HEXB: variants seen among roughly 807,000 people sequenced by gnomAD.
HEXB encodes hexosaminidase subunit beta.
HEXB carries 51 observed loss-of-function variants against 71.2 expected under a neutral mutation model. The ratio of observed to expected loss-of-function variants is 0.72; its 90% CI spans 0.57 to 0.90. HEXB has a LOEUF of 0.90. HEXB is among the 40% of genes least tolerant of loss of function. The pLI, the probability that HEXB is intolerant of heterozygous loss-of-function variation, is 0.00. For synonymous variants in HEXB, 266 were observed against 249.3 expected (o/e 1.07, Z -0.63); for missense variants, 617 against 677.0 (o/e 0.91, Z 0.98).
chr5:74,713,460 A>G, intron 6 of HEXB, 46 bp from the exon 7 acceptor site: 2 of 1,594,114 alleles, frequency 1.3e-6, no homozygotes, highest in Non-Finnish European at 1.7e-6. Flanking sequence ...TTCCAGGATC[A>G]AATCTACGTT....
At chr5:74,657,306 A>C (rs1249622537) in intron 1 of HEXB, among the ~76,000 whole-genome samples, 1 of 152,062 alleles carries the variant, frequency 6.6e-6, no homozygotes, top group Non-Finnish European at 1.5e-5. Flanking sequence ...ACCACTCTCC[A>C]GCCTCAGGAC....
At chr5:74,649,387 G>A (rs1748062624) in intron 1 of HEXB, among the ~76,000 whole-genome samples, 1 of 152,216 alleles carries the variant, frequency 6.6e-6, no homozygotes, top group African/African-American at 2.4e-5. Context: ...TAGTAACAAT[G>A]ACTAGAATCC....
rs1466605073 is a variant in HEXB at position 74,721,166 on chromosome 5, G to A, written c.1662G>A (p.Glu554=). The change falls in exon 14 of 14, where the codon GAG becomes GAA. Residue 554 remains glutamate (E), a synonymous_variant. Transcript: ENST00000261416. The part of the protein sequence containing the change: ...QPLYAGYCNH[E]NM ...TTTATGCTGGATATTGTAACCATGA[G>A]AACATGTAAAAAATGGAGGGGAAAA... 1 of 1,612,908 alleles carries A rather than the reference G, an allele frequency of 6.2e-7. No homozygotes were observed. The highest frequency in any genetic ancestry group is 1.1e-5 in the South Asian group (1 of 91,050).
At chr5:74,687,184 A>G (rs1420746316) in intron 1 of HEXB, among the ~76,000 whole-genome samples, 11 of 152,232 alleles carry the variant, frequency 7.2e-5, no homozygotes, top group Non-Finnish European at 1.6e-4. Context: ...CCTTATGGCT[A>G]AGACTTGAAG....
chr5:74,683,043 G>A (rs1368350937), upstream of HEXB, among the ~76,000 whole-genome samples: 1 of 152,136 alleles, frequency 6.6e-6, no homozygotes, highest in Non-Finnish European at 1.5e-5. Flanking sequence ...AAAAGGATAT[G>A]ATCAACCTAA....
At chr5:74,663,840 T>C (rs1008469949) in intron 1 of HEXB, among the ~76,000 whole-genome samples, 5 of 152,140 alleles carry the variant, frequency 3.3e-5, no homozygotes, top group Non-Finnish European at 5.9e-5. Context: ...AAATGGAATA[T>C]TGGGGCCAGG....
At chr5:74,718,693 A>T in intron 10 of HEXB, 104 bp from the exon 11 acceptor site, 1 of 1,166,782 alleles carries the variant, frequency 8.6e-7, no homozygotes, top group Non-Finnish European at 1.3e-6. Context: ...GATTTTTTTT[A>T]AGGATCTTAG....
chr5:74,701,369 TGTATC>T (rs1749257212), intron 5 of HEXB, among the ~76,000 whole-genome samples: 1 of 152,204 alleles, frequency 6.6e-6, no homozygotes, highest in Non-Finnish European at 1.5e-5. Context: ...TTTACTTTAG[TGTATC>T]AAACCTATTA....
At chr5:74,695,797 C>T (rs533002004) in intron 3 of HEXB, among the ~76,000 whole-genome samples, 10 of 148,450 alleles carry the variant, frequency 6.7e-5, no homozygotes, top group African/African-American at 1.7e-4. Context: ...GCCGAGATCG[C>T]GCCACTGCAC....
upstream of HEXB, chr5:74,685,188 G>C (rs1748827510): frequency 2.8e-6 from 4 of 1,420,638 alleles, no homozygotes; most frequent in South Asian, 5.9e-5. Flanking sequence ...CGCTTCCTCT[G>C]ATCCGGGCCG....
intron 11 of HEXB, among the ~76,000 whole-genome samples, chr5:74,719,414 C>T (rs976783152): frequency 2.0e-5 from 3 of 152,036 alleles, no homozygotes; most frequent in Admixed American, 6.6e-5. Context: ...GGAGTAGAAT[C>T]CTTGGTGGAT....
chr5:74,667,895 C>T (rs1031793483), intron 1 of HEXB, among the ~76,000 whole-genome samples: 2 of 152,058 alleles, frequency 1.3e-5, no homozygotes, highest in African/African-American at 2.4e-5. Flanking sequence ...AAATACTAGC[C>T]GCCATCACCC....
At chr5:74,645,100 C>T (rs1023205098) in intron 1 of HEXB, among the ~76,000 whole-genome samples, 2 of 152,038 alleles carry the variant, frequency 1.3e-5, no homozygotes, top group African/African-American at 4.8e-5. Context: ...AGATTGCATC[C>T]GAATTGGTTT....
At chr5:74,708,928 T>G (rs1056009634) in intron 6 of HEXB, among the ~76,000 whole-genome samples, 1 of 152,196 alleles carries the variant, frequency 6.6e-6, no homozygotes, top group Non-Finnish European at 1.5e-5. Context: ...AACTCAGCTC[T>G]GCACCAAGTG....
At chr5:74,666,463 A>G (rs926072656) in intron 1 of HEXB, among the ~76,000 whole-genome samples, 8 of 152,226 alleles carry the variant, frequency 5.3e-5, no homozygotes, top group African/African-American at 1.9e-4. Flanking sequence ...CATTGTCTGC[A>G]AGCTGGCAAA....
chr5:74,719,002 G>T, intron 11 of HEXB, 31 bp downstream of exon 11: 1 of 1,609,510 alleles, frequency 6.2e-7, no homozygotes, highest in South Asian at 1.1e-5. Context: ...AAGTGTTGTG[G>T]GTTACTGTGA....
At chr5:74,695,739 G>T (rs1749098542) in intron 3 of HEXB, among the ~76,000 whole-genome samples, 1 of 151,042 alleles carries the variant, frequency 6.6e-6, no homozygotes, top group East Asian at 2.0e-4. Flanking sequence ...TACTTGGGAG[G>T]CTGAGGCAGG....
intron 1 of HEXB, among the ~76,000 whole-genome samples, chr5:74,646,693 G>A (rs911055133): frequency 2.6e-5 from 4 of 150,982 alleles, no homozygotes; most frequent in African/African-American, 4.9e-5. Flanking sequence ...TCAGCCTCCC[G>A]AGTAGCTGGG....
chr5:74,640,741 T>C (rs1580353039), intron 1 of HEXB: 1 of 152,226 alleles, frequency 6.6e-6, no homozygotes, highest in Admixed American at 6.5e-5. Context: ...CCCGCCGCCG[T>C]GCGCCCCGCT....
Sources: gnomAD v4.1 joint callset for allele counts (sites outside exome capture counted in the v4.1 genomes callset) on GRCh38, gnomAD v4.1.1 for gene constraint, MANE v1.5 for transcripts, NCBI Gene and HGNC (gene_info 2026-07-23, HGNC 2026-07-21) for gene names.